Variants in EDA observed in about 807,000 individuals in gnomAD.
EDA encodes ectodysplasin-A.
EDA carries 2 observed loss-of-function variants against 23.6 expected under a neutral mutation model. That is an observed-to-expected ratio of 0.08 (90% CI 0.03 to 0.27). EDA has a LOEUF of 0.27. Among genes scored for constraint, EDA ranks in the 10% least tolerant of loss-of-function variants. The probability of loss-of-function intolerance (pLI) is 1.00; values close to 1 mark genes in which losing one functional copy is unlikely to be tolerated. For synonymous variants in EDA, 131 were observed against 132.0 expected, an observed-to-expected ratio of 0.99 and a Z score of 0.05; for missense variants, 229 against 324.2, an observed-to-expected ratio of 0.71 and a Z score of 2.26.
chrX:69,981,624 G>A (rs2019409203), intron 2 of EDA, among the ~76,000 whole-genome samples: 2 of 111,792 alleles, frequency 1.8e-5, no homozygotes, highest in Non-Finnish European at 3.8e-5. Flanking sequence ...GTTGAATACA[G>A]ATATAATTGT....
chrX:69,630,708 A>G (rs946623805), intron 1 of EDA, among the ~76,000 whole-genome samples: 5 of 112,503 alleles, frequency 4.4e-5, no homozygotes, highest in East Asian at 2.8e-4. Flanking sequence ...TTTTCTAATT[A>G]CTACCTTATA....
At chrX:69,654,313 A>G (rs774534192) in intron 1 of EDA, among the ~76,000 whole-genome samples, 152 of 111,575 alleles carry the variant, frequency 1.4e-3, no homozygotes, top group African/African-American at 4.7e-3. Flanking sequence ...GCTGGAGAGG[A>G]TGTGGAGAAA....
chrX:69,682,563 G>A (rs1041347685), intron 1 of EDA, among the ~76,000 whole-genome samples: 4 of 112,082 alleles, frequency 3.6e-5, no homozygotes, highest in South Asian at 3.7e-4. Flanking sequence ...CGCAGTATTC[G>A]GGTGGGAGTG....
At chrX:69,760,723 C>T (rs756792641) in intron 1 of EDA, among the ~76,000 whole-genome samples, 3 of 111,605 alleles carry the variant, frequency 2.7e-5, no homozygotes, top group South Asian at 7.5e-4. Flanking sequence ...GTTAGTACAC[C>T]GAGTATACAG....
intron 1 of EDA, among the ~76,000 whole-genome samples, chrX:69,858,665 C>A (rs2017311581): frequency 2.7e-5 from 3 of 111,980 alleles, no homozygotes; most frequent in African/African-American, 9.7e-5. Flanking sequence ...CATCAATGTT[C>A]ATCAAGGATA....
chrX:70,035,229 A>G (rs2020248884), intron 7 of EDA, 129 bp from the exon 8 acceptor site: 3 of 784,651 alleles, frequency 3.8e-6, no homozygotes, highest in East Asian at 3.5e-5. Flanking sequence ...ACGCCTTCAC[A>G]TGGCACTGCC....
intron 1 of EDA, among the ~76,000 whole-genome samples, chrX:69,821,710 G>A (rs140109474): frequency 0.076 from 8,478 of 111,794 alleles, 254 homozygotes; most frequent in Middle Eastern, 0.097. Context: ...ATGCCAGCAA[G>A]TGGTTAATAA....
Position 69,806,041 on chromosome X carries a change from A to G in EDA, c.397-150986A>G, listed in dbSNP as rs147105512. Among the ~76,000 whole-genome samples, 225 of 111,659 alleles carry G rather than the reference A, an allele frequency of 2.0e-3. 1 individual carries two copies. Among genetic ancestry groups the G allele is most frequent in the Non-Finnish European group, 5.7e-4 (30 of 53,004 alleles). On this transcript the variant is annotated intron_variant, in intron 1 of 7. Coordinates refer to ENST00000374552, the MANE Select transcript of EDA (RefSeq NM_001399.5). ...ACAAAAACCCTGTGTGATTGGCATT[A>G]TCCTCCGTATACAGACAAACAGGCA... is the stretch of plus-strand genomic sequence containing the variant.
In EDA at chrX:70,036,854, A is replaced by G. The variant is rs964149041; in HGVS notation, c.*1245A>G. On this transcript the variant is annotated 3_prime_UTR_variant, in exon 8 of 8. Transcript: ENST00000374552. ...CTGAAAGGCCAGCAGCTGATGCTGT[A>G]CTAACCCAGTCTTTCTTCACTCTGG... The G allele has an allele frequency of 4.4e-5, 5 of 113,043 alleles. No individual in the cohort carries two copies. Among genetic ancestry groups the G allele is most frequent in the African/African-American group, 1.6e-4 (5 of 31,164 alleles). 9.3% of individuals were successfully genotyped at this position (113,043 alleles called of 1,213,427 possible).
chrX:69,938,438 C>T (rs1326572973), intron 1 of EDA, among the ~76,000 whole-genome samples: 1 of 111,800 alleles, frequency 8.9e-6, no homozygotes, highest in Non-Finnish European at 1.9e-5. Context: ...ATCTTTTGCT[C>T]ATTTTAAAAT....
intron 1 of EDA, among the ~76,000 whole-genome samples, chrX:69,831,950 T>G (rs1794414924): frequency 9.0e-6 from 1 of 111,698 alleles, no homozygotes; most frequent in African/African-American, 3.3e-5. Flanking sequence ...CTTTGTCAGA[T>G]GGGTAGACGG....
intron 1 of EDA, among the ~76,000 whole-genome samples, chrX:69,673,755 G>T (rs949688079): frequency 2.7e-5 from 3 of 111,423 alleles, no homozygotes; most frequent in Admixed American, 1.9e-4. Context: ...GGAGGATGGG[G>T]TCTTTATTAG....
At chrX:69,769,097 C>T (rs2014553708) in intron 1 of EDA, among the ~76,000 whole-genome samples, 1 of 111,157 alleles carries the variant, frequency 9.0e-6, no homozygotes, top group Non-Finnish European at 1.9e-5. Flanking sequence ...GTTTCATGGC[C>T]CAGAGCGTGA....
intron 1 of EDA, among the ~76,000 whole-genome samples, chrX:69,684,041 A>G (rs1190558094): frequency 1.8e-5 from 2 of 112,391 alleles, no homozygotes; most frequent in Non-Finnish European, 3.8e-5. Flanking sequence ...TACATCACCT[A>G]AGAACTCAGA....
chrX:70,002,860 A>G, intron 2 of EDA, among the ~76,000 whole-genome samples: 1 of 112,198 alleles, frequency 8.9e-6, no homozygotes, highest in African/African-American at 3.2e-5. Flanking sequence ...GCAATGTTAG[A>G]GAGTGACAAT....
At chrX:69,638,564 G>A (rs892238129) in intron 1 of EDA, among the ~76,000 whole-genome samples, 3 of 111,835 alleles carry the variant, frequency 2.7e-5, no homozygotes, top group African/African-American at 9.7e-5. Context: ...TTCTCAAATA[G>A]CATTGTGATG....
intron 2 of EDA, among the ~76,000 whole-genome samples, chrX:69,981,482 A>T (rs2019407107): frequency 8.9e-6 from 1 of 111,740 alleles, no homozygotes; most frequent in Non-Finnish European, 1.9e-5. Flanking sequence ...TGACAATATC[A>T]TTCTTTTTCT....
chrX:69,835,646 G>A (rs1327103984), intron 1 of EDA, among the ~76,000 whole-genome samples: 2 of 111,034 alleles, frequency 1.8e-5, no homozygotes, highest in East Asian at 5.7e-4. Context: ...GCTTCCTTGG[G>A]ATGGGTTCAA....
chrX:69,645,953 C>G (rs753088106), intron 1 of EDA, among the ~76,000 whole-genome samples: 56 of 110,829 alleles, frequency 5.1e-4, no homozygotes, highest in Non-Finnish European at 9.4e-4. Context: ...ATTTACTCAA[C>G]AGTCATTCAG....
Sources: gnomAD v4.1 joint callset for allele counts (sites outside exome capture counted in the v4.1 genomes callset) on GRCh38, gnomAD v4.1.1 for gene constraint, MANE v1.5 for transcripts, NCBI Gene and HGNC (gene_info 2026-07-23, HGNC 2026-07-21) for gene names.